Variants in INF2 observed in about 807,000 individuals in gnomAD.
INF2 encodes the protein inverted formin-2.
Under a neutral mutation model 123.5 loss-of-function variants are expected in INF2, and 43 were observed. The observed-to-expected ratio is 0.35, with a 90% CI of 0.27 to 0.45. The LOEUF is 0.45. Among genes scored for constraint, INF2 ranks in the 20% least tolerant of loss-of-function variants. The pLI is 1.00. For synonymous variants in INF2, 851 were observed against 745.0 expected (o/e 1.14, Z -2.32); for missense variants, 1,453 against 1,682.7 (o/e 0.86, Z 2.39).
At chr14:104,695,366 G>T (rs573374913) in intron 1 of INF2, among the ~76,000 whole-genome samples, 2 of 152,236 alleles carry the variant, frequency 1.3e-5, no homozygotes, top group African/African-American at 4.8e-5. Context: ...CCCTGAGAAC[G>T]CCAGAGGTGA....
intron 1 of INF2, 93 bp downstream of exon 1, chr14:104,689,832 C>A: frequency 1.3e-6 from 1 of 761,410 alleles, no homozygotes; most frequent in Non-Finnish European, 1.6e-6. Context: ...AGCGAGGTTC[C>A]GGGCTGCGGC....
At chr14:104,701,843 G>A (rs1889522992) in intron 2 of INF2, 87 bp downstream of exon 2, 2 of 1,363,472 alleles carry the variant, frequency 1.5e-6, no homozygotes, top group Admixed American at 2.9e-5. Context: ...GGAGGCCTGG[G>A]GAACCACCAG....
intron 7 of INF2, 63 bp downstream of exon 7, chr14:104,707,114 T>TGG: frequency 2.1e-6 from 3 of 1,396,698 alleles, no homozygotes; most frequent in Non-Finnish European, 1.9e-6. Flanking sequence ...TCTTAGACCA[T>TGG]GGGGGGGGGA....
chr14:104,714,538 A>C lies in INF2; in HGVS notation c.3376A>C (p.Ser1126Arg). 7 of 1,612,756 alleles carry C rather than the reference A, an allele frequency of 4.3e-6. No homozygotes were observed. Among genetic ancestry groups the C allele is most frequent in the African/African-American group, 1.3e-5 (1 of 75,058 alleles). The change falls in exon 21 of 23, where the codon AGT becomes CGT. Residue 1126 changes from serine to arginine, a missense_variant. Coordinates refer to ENST00000392634, the MANE Select transcript of INF2 (RefSeq NM_022489.4). ...FSSNQPPAAG[S>R]SRQDAKDPTS... ...CAGCAACCAGCCCCCTGCAGCCGGA[A>C]GTTCAAGGCAAGATGCCAAGGATCC...
At chr14:104,689,531 C>T, upstream of INF2, 4 of 788,726 alleles carry the variant, frequency 5.1e-6, no homozygotes, top group Non-Finnish European at 6.1e-6. Context: ...AGGCCCCGCC[C>T]CCGGCCCGCG....
chr14:104,687,423 T>C (rs1460219056), upstream of INF2, among the ~76,000 whole-genome samples: 1 of 151,516 alleles, frequency 6.6e-6, no homozygotes, highest in African/African-American at 2.4e-5. The surrounding 1 kb of genome is among the most constrained non-coding windows in gnomAD (Gnocchi z 5.6). Flanking sequence ...AGTGTCCACA[T>C]TTCCACCCTC....
At chr14:104,714,089 T>A in intron 20 of INF2, 114 bp from the exon 21 acceptor site, 7 of 924,750 alleles carry the variant, frequency 7.6e-6, no homozygotes, top group African/African-American at 1.7e-5. Flanking sequence ...GAGGAGGCTT[T>A]CTGGGGAGGA....
chr14:104,709,774 G>A (rs1889957461), intron 12 of INF2, 69 bp downstream of exon 12: 2 of 1,381,468 alleles, frequency 1.4e-6, no homozygotes, highest in African/African-American at 1.4e-5. Context: ...ATAGGGAGCA[G>A]GGCCCAGCCA....
rs201561899 is a variant in INF2, at chr14:104,707,881, C to T, written c.1614C>T (p.Ile538=). ...TGGCGGGAGGCATGGAGGAGGTCAT[C>T]GTGGCCCAGGTGGACCATGGCTTGG... ...PPVAGGMEEV[I]VAQVDHGLGS... Residue 538 remains isoleucine (I), a synonymous_variant, in exon 8 of 23, where the codon ATC becomes ATT. Coordinates refer to ENST00000392634, the MANE Select transcript of INF2 (RefSeq NM_022489.4). The T allele has an allele frequency of 9.2e-5, 148 of 1,606,104 alleles. No individual in the cohort carries two copies. Among genetic ancestry groups the T allele is most frequent in the Non-Finnish European group, 1.2e-4 (145 of 1,179,600 alleles).
At position 104,701,621 on chromosome 14, in the gene INF2, G is replaced by A. The variant is rs1437488537; in HGVS notation, c.256G>A (p.Gly86Ser). The A allele has an allele frequency of 5.6e-6, 9 of 1,603,092 alleles. No homozygotes were observed. Among genetic ancestry groups the A allele is most frequent in the South Asian group, 1.1e-5 (1 of 90,424 alleles). ...GCTGGAGGCGCTGGCGCGGCTGTCGGGCCGCGGCGTTGCACGTATCTCCGA... is the reference window on the plus strand; with the variant it reads ...GCTGGAGGCGCTGGCGCGGCTGTCGAGCCGCGGCGTTGCACGTATCTCCGA... ...LLLEALARLS[G>S]RGVARISDAL... is the part of the protein sequence containing the mutation. The change falls in exon 2 of 23, where the codon GGC becomes AGC. Residue 86 changes from glycine (G) to serine (S), a missense_variant. Around this residue, in one of 8 missense-constraint regions of INF2, gnomAD observed 251 missense variants for 349.4 expected, o/e 0.72. Transcript: ENST00000392634.
At position 104,712,825 on chromosome 14, in the gene INF2, C is replaced by T; in HGVS notation, c.2611-3C>T. ...CGGGACTGTCACGTGCCCTTGCCCC[C>T]AGGCCAGCATCTCGGCCTTCCGGGC... On this transcript the variant is annotated splice_polypyrimidine_tract_variant and splice_region_variant and intron_variant, in intron 17 of 22. Coordinates refer to ENST00000392634, the MANE Select transcript of INF2 (RefSeq NM_022489.4). The T allele has an allele frequency of 6.2e-7, 1 of 1,607,886 alleles. No homozygotes were observed. Among genetic ancestry groups the T allele is most frequent in the Non-Finnish European group, 8.5e-7 (1 of 1,176,582 alleles).
At chr14:104,689,203 T>A (rs1427865859), upstream of INF2, 2 of 985,232 alleles carry the variant, frequency 2.0e-6, no homozygotes, top group Admixed American at 6.1e-5. Flanking sequence ...GGACTCCGGA[T>A]CCGGCTGGCT....
intron 8 of INF2, 112 bp from the exon 9 acceptor site, chr14:104,708,324 G>C (rs1043276963): frequency 1.5e-6 from 2 of 1,371,538 alleles, no homozygotes; most frequent in African/African-American, 2.9e-5. Context: ...TGGACCTACT[G>C]GGCCCCAGGC....
intron 1 of INF2, among the ~76,000 whole-genome samples, chr14:104,692,637 A>C (rs7153412): frequency 4.0e-5 from 6 of 151,896 alleles, no homozygotes; most frequent in Non-Finnish European, 7.4e-5. Context: ...CACCTGTGTC[A>C]CTCCAGAGCA....
chr14:104,707,506 C>T lies in INF2; in HGVS notation c.1239C>T (p.Ala413=), dbSNP rs1189594819. The T allele has an allele frequency of 9.7e-6, 15 of 1,547,822 alleles. No individual in the cohort carries two copies. Among genetic ancestry groups the T allele is most frequent in the Non-Finnish European group, 1.2e-5 (14 of 1,146,676 alleles). The change falls in exon 8 of 23, where the codon GCC becomes GCT. Residue 413 remains alanine (A), a synonymous_variant. Transcript: ENST00000392634. ...ESILKVSQPR[A]LEQQASTPPP... ...TCCTGAAAGTTTCGCAGCCCAGAGC[C>T]CTGGAGCAGCAGGCGTCCACCCCAC...
intron 1 of INF2, among the ~76,000 whole-genome samples, chr14:104,696,953 CA>C (rs1451075121): frequency 6.6e-6 from 1 of 152,154 alleles, no homozygotes; most frequent in African/African-American, 2.4e-5. Context: ...CACAGGTGCT[CA>C]TGTGCCCAGC....
intron 7 of INF2, 72 bp downstream of exon 7, chr14:104,707,123 GA>G: frequency 6.6e-7 from 1 of 1,514,962 alleles, no homozygotes; most frequent in East Asian, 2.4e-5. Context: ...ATGGGGGGGG[GA>G]GCCTGCCCTT....
chr14:104,687,128 G>T (rs927336344), upstream of INF2, among the ~76,000 whole-genome samples: 9 of 152,196 alleles, frequency 5.9e-5, no homozygotes, highest in Non-Finnish European at 1.0e-4. The surrounding 1 kb of genome is among the most constrained non-coding windows in gnomAD (Gnocchi z 5.6). Context: ...GCTCCAGGCA[G>T]GCCATGGCTT....
At chr14:104,693,945 G>A (rs1470141095) in intron 1 of INF2, among the ~76,000 whole-genome samples, 1 of 152,216 alleles carries the variant, frequency 6.6e-6, no homozygotes, top group Non-Finnish European at 1.5e-5. Flanking sequence ...GGGTGAGGGA[G>A]TAGCCACCTG....
Sources: gnomAD v4.1 joint callset for allele counts (sites outside exome capture counted in the v4.1 genomes callset) on GRCh38, gnomAD v4.1.1 for gene constraint, gnomAD v4.1.1 regional missense constraint, Gnocchi (gnomAD v3.1) non-coding constraint, MANE v1.5 for transcripts, NCBI Gene and HGNC (gene_info 2026-07-23, HGNC 2026-07-21) for gene names.